Variants in HYDIN observed in about 807,000 individuals in gnomAD.
HYDIN encodes HYDIN axonemal central pair apparatus protein.
A neutral mutation model predicts 403.9 loss-of-function variants in HYDIN; 132 were observed. That is an observed-to-expected ratio of 0.33 (90% CI 0.28 to 0.38). The LOEUF (loss-of-function observed/expected upper bound fraction) is 0.38. Ranked by LOEUF, HYDIN falls within the 10% of genes least tolerant of loss-of-function variation. HYDIN has a pLI of 1.00. For synonymous variants in HYDIN, 1,202 were observed against 1,891.7 expected, an observed-to-expected ratio of 0.64 and a Z score of 9.46; for missense variants, 2,827 against 5,009.5, an observed-to-expected ratio of 0.56 and a Z score of 13.15.
chr16:71,077,155 C>G (rs1198719075), intron 13 of HYDIN, among the ~76,000 whole-genome samples: 1 of 151,362 alleles, frequency 6.6e-6, no homozygotes, highest in Non-Finnish European at 1.5e-5. Flanking sequence ...TCACATTGAG[C>G]ATGTGTAAAT....
chr16:70,901,341 G>T, intron 52 of HYDIN, 139 bp from the exon 53 acceptor site: 1 of 596,216 alleles, frequency 1.7e-6, no homozygotes, highest in Non-Finnish European at 3.0e-6. Flanking sequence ...GGGGTTTGCT[G>T]TACAGATTAT....
intron 10 of HYDIN, among the ~76,000 whole-genome samples, chr16:71,114,446 G>A (rs12102976): frequency 1.3e-5 from 2 of 151,706 alleles, no homozygotes; most frequent in Non-Finnish European, 2.9e-5. Context: ...TAGCAAAGGA[G>A]ATAATCCAGG....
chr16:71,073,586 G>A (rs1270943943), intron 13 of HYDIN, among the ~76,000 whole-genome samples: 1 of 152,060 alleles, frequency 6.6e-6, no homozygotes, highest in Non-Finnish European at 1.5e-5. Context: ...ATCATATTTT[G>A]CAATAACTTC....
At chr16:71,134,445 C>T (rs2084834479) in intron 8 of HYDIN, among the ~76,000 whole-genome samples, 1 of 152,252 alleles carries the variant, frequency 6.6e-6, no homozygotes, top group South Asian at 2.1e-4. Context: ...AGAATAACGC[C>T]TGATTCAGCT....
At chr16:71,222,404 C>T (rs576998679) in intron 1 of HYDIN, among the ~76,000 whole-genome samples, 13 of 152,152 alleles carry the variant, frequency 8.5e-5, no homozygotes, top group Non-Finnish European at 1.6e-4. Context: ...AAGTTGAAAG[C>T]CTTCCCTGTG....
chr16:71,183,751 A>G (rs2087006798), intron 3 of HYDIN, among the ~76,000 whole-genome samples: 2 of 152,182 alleles, frequency 1.3e-5, no homozygotes, highest in Admixed American at 6.6e-5. Context: ...TGAAGAAATT[A>G]GTAGATGACT....
intron 18 of HYDIN, among the ~76,000 whole-genome samples, chr16:71,055,078 G>C (rs2081831913): frequency 2.0e-5 from 3 of 152,300 alleles, no homozygotes; most frequent in Non-Finnish European, 4.4e-5. Context: ...TCCTCTAGGT[G>C]TGTCTACCTT....
At chr16:71,199,368 A>G (rs1022006436) in intron 1 of HYDIN, among the ~76,000 whole-genome samples, 2 of 152,180 alleles carry the variant, frequency 1.3e-5, no homozygotes, top group Non-Finnish European at 2.9e-5. Context: ...AGAAACCCAA[A>G]GAGATGGGGG....
intron 80 of HYDIN, among the ~76,000 whole-genome samples, chr16:70,830,081 G>A (rs532624427): frequency 6.6e-6 from 1 of 152,272 alleles, no homozygotes; most frequent in South Asian, 2.1e-4. Flanking sequence ...CCCTTGAGCT[G>A]AGATTCTACT....
At chr16:71,130,187 A>G (rs1179152738) in intron 8 of HYDIN, among the ~76,000 whole-genome samples, 1 of 152,194 alleles carries the variant, frequency 6.6e-6, no homozygotes, top group East Asian at 1.9e-4. Flanking sequence ...CATGGCAAGG[A>G]CAATTTTGTT....
chr16:70,966,677 GA>G lies in HYDIN; in HGVS notation c.5620-1782del, dbSNP rs549827313. ...AACATATTTAAAATAGTCAAGTGAA[GA>G]AAATGTAAGCCAAGAAAATTGTATC... On this transcript the variant is annotated intron_variant, in intron 36 of 85. Transcript: ENST00000393567. 4.4e-4 allele frequency among the ~76,000 whole-genome samples: 66 copies of G among 150,710 alleles called. 1 individual carries two copies. In the East Asian group the frequency reaches 4.9e-3, roughly 11 times the overall value.
In HYDIN at chr16:71,125,530, C is replaced by T. The variant is rs562795769; in HGVS notation, c.1227+4110G>A. 1.6e-4 allele frequency among the ~76,000 whole-genome samples: 24 copies of T among 152,220 alleles called. No individual in the cohort carries two copies. The South Asian group carries it at 3.9e-3, about 25-fold the overall frequency. On this transcript the variant is annotated intron_variant, in intron 9 of 85. Coordinates refer to ENST00000393567, the MANE Select transcript of HYDIN (RefSeq NM_001270974.2). ...AAAAAGGATCAATGTGACTTAACTG[C>T]AATACCCTGTTTGTGTACAAGGCAA...
At chr16:71,222,217 C>T (rs370808452) in intron 1 of HYDIN, among the ~76,000 whole-genome samples, 1 of 151,990 alleles carries the variant, frequency 6.6e-6, no homozygotes, top group Admixed American at 6.5e-5. Context: ...ATCACATAAA[C>T]AAAATTAAAA....
At chr16:71,182,284 A>C (rs2086939068) in intron 3 of HYDIN, among the ~76,000 whole-genome samples, 1 of 152,130 alleles carries the variant, frequency 6.6e-6, no homozygotes, top group African/African-American at 2.4e-5. Flanking sequence ...CATGGAAGTA[A>C]CATGTTCTGA....
intron 10 of HYDIN, among the ~76,000 whole-genome samples, chr16:71,098,203 CTTTT>C (rs374205374): frequency 7.7e-6 from 1 of 130,382 alleles, no homozygotes; most frequent in Non-Finnish European, 1.5e-5. Context: ...AACTTTCTTT[CTTTT>C]TTTTTTTTTT....
chr16:71,080,652 T>TG (rs1205764763), intron 12 of HYDIN, among the ~76,000 whole-genome samples: 1 of 114,916 alleles, frequency 8.7e-6, no homozygotes, highest in Non-Finnish European at 1.6e-5. Flanking sequence ...TAGAAGGTAA[T>TG]GTAGGTAGAA....
intron 17 of HYDIN, among the ~76,000 whole-genome samples, chr16:71,061,775 G>A (rs2082087570): frequency 6.6e-6 from 1 of 151,368 alleles, no homozygotes; most frequent in South Asian, 2.1e-4. Flanking sequence ...AAATACAGAT[G>A]TGCTGGCTCC....
At chr16:71,172,319 A>C (rs2086497564) in intron 5 of HYDIN, among the ~76,000 whole-genome samples, 1 of 152,158 alleles carries the variant, frequency 6.6e-6, no homozygotes, top group Non-Finnish European at 1.5e-5. Context: ...AAGTCCAAGG[A>C]AGTACTTTGT....
At chr16:71,094,383 C>T (rs1304454463) in intron 10 of HYDIN, among the ~76,000 whole-genome samples, 1 of 152,150 alleles carries the variant, frequency 6.6e-6, no homozygotes, top group African/African-American at 2.4e-5. Context: ...AGCATACAAG[C>T]TGTATTTATA....
Sources: allele counts gnomAD v4.1 joint callset (sites outside exome capture counted in the v4.1 genomes callset), GRCh38; gene constraint gnomAD v4.1.1; transcripts MANE v1.5; gene names NCBI Gene and HGNC (gene_info 2026-07-23, HGNC 2026-07-21).